AP3B1: variants seen among roughly 807,000 people sequenced by gnomAD.
The protein encoded by AP3B1 is adaptor related protein complex 3 subunit beta 1.
AP3B1 carries 61 observed loss-of-function variants against 132.5 expected under a neutral mutation model. The ratio of observed to expected loss-of-function variants is 0.46; its 90% CI spans 0.37 to 0.57. The LOEUF (loss-of-function observed/expected upper bound fraction) is 0.57. AP3B1 is among the 20% of genes least tolerant of loss of function. The probability of loss-of-function intolerance (pLI) is 0.00; values close to 1 mark genes in which losing one functional copy is unlikely to be tolerated. For synonymous variants in AP3B1, 388 were observed against 438.3 expected (o/e 0.89, Z 1.43); for missense variants, 1,120 against 1,289.4 (o/e 0.87, Z 2.01).
intron 26 of AP3B1, among the ~76,000 whole-genome samples, chr5:78,010,084 G>A (rs1746556471): frequency 1.3e-5 from 2 of 152,162 alleles, no homozygotes; most frequent in South Asian, 4.1e-4. Flanking sequence ...ACACAGTTAT[G>A]GTCTAAGACT....
intron 1 of AP3B1, among the ~76,000 whole-genome samples, chr5:78,277,417 G>A (rs533259432): frequency 2.0e-5 from 3 of 152,134 alleles, no homozygotes; most frequent in Admixed American, 6.6e-5. Flanking sequence ...AAGTAAAGAG[G>A]GAGAGAGCAA....
rs922850116 is a variant in AP3B1, at chr5:78,228,338, C to A, written c.280-99G>T. On this transcript the variant is annotated intron_variant, in intron 3 of 26. Transcript: ENST00000255194. ...TGCTCAATTCTTCTCAAGTAAATAA[C>A]TGAATCTGGTCACATGTTAGATTGT... 8.0e-6 allele frequency: 6 copies of A among 746,036 alleles called. No individual in the cohort carries two copies. The East Asian group carries it at 8.2e-5, about 10-fold the overall frequency. The allele number at this position is 746,036 out of a possible 1,614,324, so 46.2% of individuals were successfully genotyped here.
chr5:78,078,895 T>C (rs537865056), intron 22 of AP3B1, among the ~76,000 whole-genome samples: 2 of 152,220 alleles, frequency 1.3e-5, no homozygotes, highest in Non-Finnish European at 2.9e-5. Flanking sequence ...AATGCAAATA[T>C]CTAGAGAATC....
intron 1 of AP3B1, among the ~76,000 whole-genome samples, chr5:78,268,836 A>C (rs1402735561): frequency 6.6e-6 from 1 of 152,232 alleles, no homozygotes; most frequent in Non-Finnish European, 1.5e-5. Context: ...AATAATTCTG[A>C]GGTTCAGGGA....
chr5:78,092,335 G>T (rs1580334843), intron 21 of AP3B1, among the ~76,000 whole-genome samples: 1 of 152,200 alleles, frequency 6.6e-6, no homozygotes, highest in African/African-American at 2.4e-5. Flanking sequence ...TGTGTGCTCT[G>T]GTATTAAAGA....
intron 24 of AP3B1, among the ~76,000 whole-genome samples, chr5:78,032,877 A>G (rs1479820940): frequency 2.6e-5 from 4 of 152,098 alleles, no homozygotes; most frequent in Non-Finnish European, 5.9e-5. Flanking sequence ...TATTATTCAC[A>G]TACACTCCTT....
chr5:78,274,045 A>C (rs1334024165), intron 1 of AP3B1, among the ~76,000 whole-genome samples: 1 of 151,538 alleles, frequency 6.6e-6, no homozygotes. Flanking sequence ...AAAAAAAAAA[A>C]AAAAAACCAG....
chr5:78,059,479 A>G (rs1214982904), intron 22 of AP3B1, among the ~76,000 whole-genome samples: 1 of 152,214 alleles, frequency 6.6e-6, no homozygotes, highest in African/African-American at 2.4e-5. Flanking sequence ...TGTGAAACCT[A>G]TCTTCAGAGT....
At chr5:78,055,127 G>C (rs1748753729) in intron 22 of AP3B1, among the ~76,000 whole-genome samples, 1 of 151,958 alleles carries the variant, frequency 6.6e-6, no homozygotes, top group Non-Finnish European at 1.5e-5. Context: ...AAGGAGGTGG[G>C]GATGGAGAGA....
Position 78,088,436 on chromosome 5 carries a change from C to G in AP3B1, c.2577+957G>C, listed in dbSNP as rs971178369. Among the ~76,000 whole-genome samples, 4 of 152,164 alleles carry G rather than the reference C, an allele frequency of 2.6e-5. No homozygotes were observed. The East Asian group carries it at 7.7e-4, about 29-fold the overall frequency. On this transcript the variant is annotated intron_variant, in intron 22 of 26. Transcript: ENST00000255194. Reference sequence around the variant, plus strand: ...AGGTGACCAATGTTGAACAGAAATGCAGATAGCTTTTTTTAGTATTTCATT... The same window carrying G: ...AGGTGACCAATGTTGAACAGAAATGGAGATAGCTTTTTTTAGTATTTCATT...
intron 1 of AP3B1, among the ~76,000 whole-genome samples, chr5:78,279,038 T>C (rs1171886682): frequency 6.6e-6 from 1 of 152,052 alleles, no homozygotes; most frequent in African/African-American, 2.4e-5. Context: ...TATCATATGT[T>C]GATATGGAAA....
At chr5:78,284,456 C>T (rs1749188073) in intron 1 of AP3B1, among the ~76,000 whole-genome samples, 1 of 152,128 alleles carries the variant, frequency 6.6e-6, no homozygotes, top group Non-Finnish European at 1.5e-5. Context: ...CATTTGTATA[C>T]CTTAGTTGTT....
intron 1 of AP3B1, among the ~76,000 whole-genome samples, chr5:78,282,848 CAAA>C (rs70997985): frequency 1.5e-5 from 2 of 129,356 alleles, no homozygotes; most frequent in Admixed American, 7.7e-5. Flanking sequence ...TTGTCTCTAC[CAAA>C]AAAAAAAAAA....
chr5:78,022,608 T>C (rs549356582), intron 24 of AP3B1, among the ~76,000 whole-genome samples: 6 of 152,334 alleles, frequency 3.9e-5, no homozygotes, highest in Non-Finnish European at 7.3e-5. Context: ...ATGGTTACTT[T>C]ACTTATATAA....
At chr5:78,184,058 C>T (rs1304789297) in intron 7 of AP3B1, among the ~76,000 whole-genome samples, 1 of 151,086 alleles carries the variant, frequency 6.6e-6, no homozygotes, top group Non-Finnish European at 1.5e-5. Flanking sequence ...ATCCCAGCTA[C>T]TCAGGAAGCT....
intron 2 of AP3B1, among the ~76,000 whole-genome samples, chr5:78,259,181 G>T (rs187737283): frequency 3.8e-4 from 58 of 151,920 alleles, no homozygotes; most frequent in African/African-American, 1.3e-3. Context: ...CCAGGAGGTG[G>T]AGCTTGCAGT....
chr5:78,127,753 C>T (rs1219629423), intron 17 of AP3B1, among the ~76,000 whole-genome samples: 3 of 152,202 alleles, frequency 2.0e-5, no homozygotes, highest in South Asian at 2.1e-4. Context: ...ATTGAATCTA[C>T]GCGGCTACAA....
chr5:78,194,973 T>A (rs1745019334), intron 7 of AP3B1, among the ~76,000 whole-genome samples: 1 of 152,164 alleles, frequency 6.6e-6, no homozygotes, highest in South Asian at 2.1e-4. Flanking sequence ...TATTTTTCCA[T>A]GTTTAAAATA....
intron 7 of AP3B1, among the ~76,000 whole-genome samples, chr5:78,211,775 A>T (rs958120760): frequency 1.3e-5 from 2 of 152,260 alleles, no homozygotes; most frequent in African/African-American, 2.4e-5. Flanking sequence ...AAGGTAACTA[A>T]GAAATTATTT....
Sources: allele counts gnomAD v4.1 joint callset (sites outside exome capture counted in the v4.1 genomes callset), GRCh38; gene constraint gnomAD v4.1.1; transcripts MANE v1.5; gene names NCBI Gene and HGNC (gene_info 2026-07-23, HGNC 2026-07-21).